Variants in PPCDC observed in about 807,000 individuals in gnomAD.
PPCDC encodes the protein phosphopantothenoylcysteine decarboxylase.
A neutral mutation model predicts 20.7 loss-of-function variants in PPCDC; 20 were observed. The observed-to-expected ratio is 0.97, with a 90% CI of 0.68 to 1.41. The LOEUF is 1.41. Ranked by LOEUF, PPCDC falls within the 40% of genes most tolerant of loss-of-function variation. The pLI is 0.00. For missense variants in PPCDC, 246 were observed against 263.8 expected, an observed-to-expected ratio of 0.93 and a Z score of 0.47; for synonymous variants, 88 against 100.3, an observed-to-expected ratio of 0.88 and a Z score of 0.73.
Position 75,050,192 on chromosome 15 carries a change from A to G in PPCDC, c.*957A>G, listed in dbSNP as rs932611934. 2.6e-5 allele frequency: 4 copies of G among 152,246 alleles called. No individual in the cohort carries two copies. Among genetic ancestry groups the G allele is most frequent in the South Asian group, 2.1e-4 (1 of 4,830 alleles). The allele number at this position is 152,246 out of a possible 1,614,324, so 9.4% of individuals were successfully genotyped here. On this transcript the variant is annotated 3_prime_UTR_variant, in exon 6 of 6. Coordinates refer to ENST00000342932, the MANE Select transcript of PPCDC (RefSeq NM_021823.5). ...GGGAAAAAGGAAATCCTGGATGCTA[A>G]GTTGACACATCCCTTTATGCAAGTG...
chr15:75,049,464 C>G lies in PPCDC; in HGVS notation c.*229C>G, dbSNP rs1408929949. ...TGCCTAGAGCCCCTCCCCACCTTTTCCTGGATGGGTGAGGCAAGCCAGGAG... is the reference window on the plus strand; with the variant it reads ...TGCCTAGAGCCCCTCCCCACCTTTTGCTGGATGGGTGAGGCAAGCCAGGAG... On this transcript the variant is annotated 3_prime_UTR_variant, in exon 6 of 6. Coordinates refer to ENST00000342932, the MANE Select transcript of PPCDC (RefSeq NM_021823.5). The G allele has an allele frequency of 1.8e-6, 1 of 547,076 alleles. No individual in the cohort carries two copies. Among genetic ancestry groups the G allele is most frequent in the East Asian group, 3.1e-5 (1 of 31,830 alleles). The allele number at this position is 547,076 out of a possible 1,614,324, so 33.9% of individuals were successfully genotyped here.
At position 75,028,113 on chromosome 15, in the gene PPCDC, CTG is replaced by C. The variant is rs1227328865; in HGVS notation, c.-72-129_-72-128del. On this transcript the variant is annotated intron_variant, in intron 1 of 5. Transcript: ENST00000342932. Reference sequence around the variant, plus strand: ...GAAGGTGTCTCACTTTCTTATCAAACTGTGTGCTCCCTGAAGCCAGGACTGCT... The same window carrying C: ...GAAGGTGTCTCACTTTCTTATCAAACTGTGCTCCCTGAAGCCAGGACTGCT... The C allele has an allele frequency of 1.3e-5, 8 of 606,996 alleles. No individual in the cohort carries two copies. The African/African-American group carries it at 1.5e-4, about 11-fold the overall frequency. The allele number at this position is 606,996 out of a possible 1,614,324, so 37.6% of individuals were successfully genotyped here. A position where few individuals can be genotyped will look rare whatever the true frequency, so the allele number is the denominator to read the frequency against.
Position 75,028,888 on chromosome 15 carries a change from G to A in PPCDC, c.135+435G>A, listed in dbSNP as rs181774957. Among the ~76,000 whole-genome samples, 819 of 152,232 alleles carry A rather than the reference G, an allele frequency of 5.4e-3. 6 individuals are homozygous for A. The highest frequency in any genetic ancestry group is 0.019 in the African/African-American group (787 of 41,522). The stretch of plus-strand genomic sequence containing the variant: ...TCCCTCCTCGTGAGACCTCATGGTT[G>A]TCTTGTCAGTCAAATGCTCTGAAAC... On this transcript the variant is annotated intron_variant, in intron 2 of 5. Transcript: ENST00000342932.
At chr15:75,042,800 G>A (rs983188010) in intron 2 of PPCDC, among the ~76,000 whole-genome samples, 1 of 152,164 alleles carries the variant, frequency 6.6e-6, no homozygotes, top group Non-Finnish European at 1.5e-5. Flanking sequence ...ATTTCTTAGT[G>A]AATGGGTAGT....
chr15:75,042,013 C>G (rs1938853633), intron 2 of PPCDC, among the ~76,000 whole-genome samples: 1 of 152,216 alleles, frequency 6.6e-6, no homozygotes, highest in Non-Finnish European at 1.5e-5. Context: ...TCCAGCAGCG[C>G]CTAGCCTTCA....
chr15:75,030,093 C>T (rs2141477045), intron 2 of PPCDC, among the ~76,000 whole-genome samples: 1 of 152,312 alleles, frequency 6.6e-6, no homozygotes, highest in South Asian at 2.1e-4. Context: ...GGCTTCCCCT[C>T]TCTGGTTGGA....
At chr15:75,040,752 C>A (rs1279605838) in intron 2 of PPCDC, among the ~76,000 whole-genome samples, 3 of 152,122 alleles carry the variant, frequency 2.0e-5, no homozygotes, top group Non-Finnish European at 4.4e-5. Flanking sequence ...CTCTGCCTTC[C>A]CAGGCTCAAG....
At chr15:75,028,774 G>A (rs1344255190) in intron 2 of PPCDC, among the ~76,000 whole-genome samples, 1 of 152,144 alleles carries the variant, frequency 6.6e-6, no homozygotes, top group African/African-American at 2.4e-5. Context: ...GGGCTGGCTG[G>A]AGAAGTGCAG....
chr15:75,044,465 A>C lies in PPCDC; in HGVS notation c.311A>C (p.Asp104Ala), dbSNP rs1287821150. The change falls in exon 4 of 6, where the codon GAT becomes GCT. Residue 104 changes from aspartate (D) to alanine (A), a missense_variant. Physicochemically the swap from Asp to Ala is moderately radical, Grantham distance 126. Coordinates refer to ENST00000342932, the MANE Select transcript of PPCDC (RefSeq NM_021823.5). ...GACCTCCTGCTGGTGGCTCCTCTTG[A>C]TGCCAACACTCTGGGGAAGGTGGCC... ...WADLLLVAPL[D>A]ANTLGKVASG... 6.2e-7 allele frequency: 1 copy of C among 1,614,150 alleles called. No homozygotes were observed. Among genetic ancestry groups the C allele is most frequent in the South Asian group, 1.1e-5 (1 of 91,078 alleles).
chr15:75,025,928 GCA>G (rs1478143647), intron 1 of PPCDC, among the ~76,000 whole-genome samples: 1 of 152,116 alleles, frequency 6.6e-6, no homozygotes, highest in Non-Finnish European at 1.5e-5. Flanking sequence ...AGTATATTAA[GCA>G]CACACATACA....
intron 2 of PPCDC, among the ~76,000 whole-genome samples, chr15:75,032,717 A>G: frequency 9.9e-6 from 1 of 100,994 alleles, no homozygotes; most frequent in Non-Finnish European, 2.0e-5. Context: ...AGGAGCTAGC[A>G]AACTGGACCC....
intron 1 of PPCDC, among the ~76,000 whole-genome samples, chr15:75,025,948 A>C (rs1309787578): frequency 6.6e-6 from 1 of 151,926 alleles, no homozygotes; most frequent in African/African-American, 2.4e-5. Context: ...ACACACACAC[A>C]CCCTCTTTTT....
Position 75,028,386 on chromosome 15 carries a change from G to A in PPCDC, c.68G>A (p.Gly23Asp). The change falls in exon 2 of 6, where the codon GGT becomes GAT. Residue 23 changes from glycine to aspartate, a missense_variant. This residue lies in a region of PPCDC where 225 missense variants were observed against 222.6 expected (regional missense o/e 1.01). Transcript: ENST00000342932. ...GAGAGAAAATTCCATGTTCTTGTGG[G>A]TGTCACGGGGAGTGTCGCAGCCCTG... The part of the protein sequence containing the change: ...LMERKFHVLV[G>D]VTGSVAALKL... 1 of 1,614,206 alleles carries A rather than the reference G, an allele frequency of 6.2e-7. No homozygotes were observed. The highest frequency in any genetic ancestry group is 8.5e-7 in the Non-Finnish European group (1 of 1,180,036).
At position 75,043,408 on chromosome 15, in the gene PPCDC, C is replaced by T. The variant is rs772816492; in HGVS notation, c.136-33C>T. 24 of 1,568,764 alleles carry T rather than the reference C, an allele frequency of 1.5e-5. No individual in the cohort carries two copies. In the African/African-American group the frequency reaches 2.8e-4, roughly 19 times the overall value. On this transcript the variant is annotated intron_variant, in intron 2 of 5. Coordinates refer to ENST00000342932, the MANE Select transcript of PPCDC (RefSeq NM_021823.5). ...GTGGCTCTGGTAACAGTTTCTTCCT[C>T]CCTCCCCGCCACCCCCTTCTTCTTG...
intron 1 of PPCDC, 26 bp downstream of exon 1, chr15:75,023,652 G>A (rs1183418007): frequency 1.3e-5 from 2 of 152,412 alleles, no homozygotes; most frequent in Non-Finnish European, 2.9e-5. Flanking sequence ...GGGCTGGGAA[G>A]CTGGGTTCTC....
chr15:75,050,665 C>G lies in PPCDC; in HGVS notation c.*1430C>G, dbSNP rs2066304083. 6.6e-6 allele frequency: 1 copy of G among 152,210 alleles called. No homozygotes were observed. Among genetic ancestry groups the G allele is most frequent in the African/African-American group, 2.4e-5 (1 of 41,430 alleles). 9.4% of individuals were successfully genotyped at this position (152,210 alleles called of 1,614,324 possible). A position where few individuals can be genotyped will look rare whatever the true frequency, so the allele number is the denominator to read the frequency against. On this transcript the variant is annotated 3_prime_UTR_variant, in exon 6 of 6. Transcript: ENST00000342932. ...TTTATCTCAACAGCACTTGACTTCA[C>G]CAGGTGACCCTTTGGGATAAAATTG...
chr15:75,040,561 A>T (rs950038958), intron 2 of PPCDC, among the ~76,000 whole-genome samples: 6 of 152,226 alleles, frequency 3.9e-5, no homozygotes, highest in African/African-American at 1.2e-4. Context: ...CTGAATTTTA[A>T]TACAGAAGAT....
At chr15:75,037,973 T>C (rs1321681250) in intron 2 of PPCDC, among the ~76,000 whole-genome samples, 1 of 152,110 alleles carries the variant, frequency 6.6e-6, no homozygotes. Flanking sequence ...TATCCATTTA[T>C]CAAAAAGGTG....
chr15:75,039,279 G>T (rs1262596340), intron 2 of PPCDC, among the ~76,000 whole-genome samples: 1 of 152,196 alleles, frequency 6.6e-6, no homozygotes, highest in East Asian at 1.9e-4. Flanking sequence ...CCTACTGCCA[G>T]GGTTATTTGT....
Sources: allele counts gnomAD v4.1 joint callset (sites outside exome capture counted in the v4.1 genomes callset), GRCh38; gene constraint gnomAD v4.1.1; regional missense constraint gnomAD v4.1.1; transcripts MANE v1.5; gene names NCBI Gene and HGNC (gene_info 2026-07-23, HGNC 2026-07-21).